SIAH2: variants seen among roughly 807,000 people sequenced by gnomAD.
SIAH2 encodes the protein E3 ubiquitin-protein ligase SIAH2.
A neutral mutation model predicts 20.4 loss-of-function variants in SIAH2; 4 were observed. That is an observed-to-expected ratio of 0.20 (90% CI 0.10 to 0.45). The LOEUF (loss-of-function observed/expected upper bound fraction) is 0.45, where lower values mean the gene tolerates loss of function less well. Ranked by LOEUF, SIAH2 falls within the 20% of genes least tolerant of loss-of-function variation. SIAH2 has a pLI of 0.99. For missense variants in SIAH2, 259 were observed against 440.3 expected (o/e 0.59, Z 3.69); for synonymous variants, 171 against 192.5 (o/e 0.89, Z 0.93).
Position 150,762,289 on chromosome 3 carries a change from G to C in SIAH2, c.417+144C>G. On this transcript the variant is annotated intron_variant, in intron 1 of 1. Coordinates refer to ENST00000312960, the MANE Select transcript of SIAH2 (RefSeq NM_005067.7). The surrounding 1 kb of genome is among the most constrained non-coding windows in gnomAD (Gnocchi z 6.6). ...ACCTACACCCAAAGTGGGCTTGAGG[G>C]AGGGTGGACGAAGTGTAAACATTTT... 1 of 1,444,090 alleles carries C rather than the reference G, an allele frequency of 6.9e-7. No homozygotes were observed. The highest frequency in any genetic ancestry group is 9.1e-7 in the Non-Finnish European group (1 of 1,101,908). The allele number at this position is 1,444,090 out of a possible 1,614,324, so 89.5% of individuals were successfully genotyped here.
chr3:150,762,283 T>C lies in SIAH2; in HGVS notation c.417+150A>G, dbSNP rs1252423422. The C allele has an allele frequency of 1.4e-6, 2 of 1,431,836 alleles. No homozygotes were observed. Among genetic ancestry groups the C allele is most frequent in the African/African-American group, 1.4e-5 (1 of 69,310 alleles). 88.7% of individuals were successfully genotyped at this position (1,431,836 alleles called of 1,614,324 possible). A position where few individuals can be genotyped will look rare whatever the true frequency, so the allele number is the denominator to read the frequency against. ...ACCCAGACCTACACCCAAAGTGGGCTTGAGGGAGGGTGGACGAAGTGTAAA... is the reference window on the plus strand; with the variant it reads ...ACCCAGACCTACACCCAAAGTGGGCCTGAGGGAGGGTGGACGAAGTGTAAA... On this transcript the variant is annotated intron_variant, in intron 1 of 1. Transcript: ENST00000312960. This position sits in a 1 kb window ranked among gnomAD's most constrained non-coding sequence, Gnocchi z 6.6.
chr3:150,758,874 CTGA>C (rs1714542846), intron 1 of SIAH2, among the ~76,000 whole-genome samples: 1 of 151,866 alleles, frequency 6.6e-6, no homozygotes, highest in African/African-American at 2.4e-5. Context: ...TCCTGAGTAG[CTGA>C]TATTACAGGC....
intron 1 of SIAH2, among the ~76,000 whole-genome samples, chr3:150,749,338 A>G (rs1714301072): frequency 1.3e-5 from 2 of 151,712 alleles, no homozygotes; most frequent in South Asian, 4.2e-4. Flanking sequence ...TGTCTCTATA[A>G]AAAGTTAAAA....
rs556606019 is a variant in SIAH2 at position 150,751,354 on chromosome 3, G to A, written c.418-8656C>T. ...CAGGAGAATTGCTTGAACCCGGGAG[G>A]TGGAGGTTACAGTGAGCCGAGATTA... On this transcript the variant is annotated intron_variant, in intron 1 of 1. Coordinates refer to ENST00000312960, the MANE Select transcript of SIAH2 (RefSeq NM_005067.7). 2.6e-5 allele frequency among the ~76,000 whole-genome samples: 4 copies of A among 152,184 alleles called. No homozygotes were observed. In the South Asian group the frequency reaches 6.2e-4, roughly 24 times the overall value.
At position 150,762,559 on chromosome 3, in the gene SIAH2, C is replaced by T. The variant is rs752625985; in HGVS notation, c.291G>A (p.Gly97=). 1 of 1,613,498 alleles carries T rather than the reference C, an allele frequency of 6.2e-7. No homozygotes were observed. Among genetic ancestry groups the T allele is most frequent in the Admixed American group, 1.7e-5 (1 of 60,016 alleles). ...GGCGGCATTGGTTACACACCAGGTG[C>T]CCGGCCTGGCACTGCAGAATAGGAG... The part of the protein sequence containing the change: ...VLPPILQCQA[G]HLVCNQCRQK... Residue 97 remains glycine (G), a synonymous_variant, in exon 1 of 2, where the codon GGG becomes GGA. Transcript: ENST00000312960. This position sits in a 1 kb window ranked among gnomAD's most constrained non-coding sequence, Gnocchi z 6.6.
In SIAH2 at chr3:150,742,301, C is replaced by T. The variant is rs543249698; in HGVS notation, c.815G>A (p.Arg272Gln). ...AYRLELNGNRRRLTWEATPRS... is the reference protein window; with the variant it reads ...AYRLELNGNRQRLTWEATPRS... ...GGGCGTGGCCTCCCAGGTCAATCTCCGCCGGTTCCCATTCAACTCCAGTCT... is the reference window on the plus strand; with the variant it reads ...GGGCGTGGCCTCCCAGGTCAATCTCTGCCGGTTCCCATTCAACTCCAGTCT... Residue 272 changes from arginine (R) to glutamine (Q), a missense_variant, in exon 2 of 2, where the codon CGG becomes CAG. Transcript: ENST00000312960. This position sits in a 1 kb window ranked among gnomAD's most constrained non-coding sequence, Gnocchi z 4.8. The T allele has an allele frequency of 1.1e-4, 170 of 1,614,050 alleles. No individual in the cohort carries two copies. The highest frequency in any genetic ancestry group is 1.4e-4 in the Non-Finnish European group (166 of 1,180,048).
chr3:150,754,889 G>GA lies in SIAH2; in HGVS notation c.417+7543dup, dbSNP rs560448098. On this transcript the variant is annotated intron_variant, in intron 1 of 1. Transcript: ENST00000312960. ...CAAGGGCCAACTTACACAGCTCTATGAAAATGCTATATGATTAAGAGTAGG... is the reference window on the plus strand; with the variant it reads ...CAAGGGCCAACTTACACAGCTCTATGAAAAATGCTATATGATTAAGAGTAGG... Among the ~76,000 whole-genome samples the GA allele has an allele frequency of 1.5e-3, 221 of 152,214 alleles. 3 individuals carry two copies. In the East Asian group the frequency reaches 0.02, roughly 14 times the overall value.
chr3:150,756,803 G>A (rs965284878), intron 1 of SIAH2, among the ~76,000 whole-genome samples: 4 of 152,272 alleles, frequency 2.6e-5, no homozygotes, highest in African/African-American at 4.8e-5. Flanking sequence ...CTTGAGCCCC[G>A]GAGTTAATGT....
intron 1 of SIAH2, among the ~76,000 whole-genome samples, chr3:150,743,683 C>A (rs1338915618): frequency 6.6e-6 from 1 of 152,140 alleles, no homozygotes; most frequent in African/African-American, 2.4e-5. Flanking sequence ...ATGGATAAAT[C>A]ATACCTGCCG....
chr3:150,743,853 T>G (rs1714154069), intron 1 of SIAH2, among the ~76,000 whole-genome samples: 1 of 152,010 alleles, frequency 6.6e-6, no homozygotes, highest in Non-Finnish European at 1.5e-5. Context: ...TGAATCACCT[T>G]TTCAGGTGAA....
rs1230904331 is a variant in SIAH2, at chr3:150,742,898, G to A, written c.418-200C>T. ...AATGCTGTCATGCATAAAATGAAGG[G>A]TATTTCCTGAACCAGAAATACGCTG... is the stretch of plus-strand genomic sequence containing the variant. On this transcript the variant is annotated intron_variant, in intron 1 of 1. Coordinates refer to ENST00000312960, the MANE Select transcript of SIAH2 (RefSeq NM_005067.7). This position sits in a 1 kb window ranked among gnomAD's most constrained non-coding sequence, Gnocchi z 4.8. Among the ~76,000 whole-genome samples the A allele has an allele frequency of 6.6e-6, 1 of 152,160 alleles. No individual in the cohort carries two copies. Among genetic ancestry groups the A allele is most frequent in the Non-Finnish European group, 1.5e-5 (1 of 68,032 alleles).
chr3:150,761,100 T>C (rs1466816208), intron 1 of SIAH2, among the ~76,000 whole-genome samples: 7 of 152,194 alleles, frequency 4.6e-5, no homozygotes, highest in Admixed American at 4.6e-4. Flanking sequence ...AAGCCTGAAT[T>C]CTCTGGTGGA....
At chr3:150,754,074 T>C (rs1714429645) in intron 1 of SIAH2, among the ~76,000 whole-genome samples, 1 of 152,208 alleles carries the variant, frequency 6.6e-6, no homozygotes, top group South Asian at 2.1e-4. Context: ...GCAGTCACGA[T>C]GTGTTAGATA....
At chr3:150,756,490 G>T (rs532695229) in intron 1 of SIAH2, among the ~76,000 whole-genome samples, 3 of 152,182 alleles carry the variant, frequency 2.0e-5, no homozygotes, top group African/African-American at 7.2e-5. Flanking sequence ...CTTTTTAATG[G>T]GGCTTCAAAA....
chr3:150,762,891 C>T lies in SIAH2; in HGVS notation c.-42G>A. Reference sequence around the variant, plus strand: ...CATGGAACTGCGGGCGCCTGCCTGCCGCGGGGCCGCCCGGGTCAAGGCGGT... The same window carrying T: ...CATGGAACTGCGGGCGCCTGCCTGCTGCGGGGCCGCCCGGGTCAAGGCGGT... On this transcript the variant is annotated 5_prime_UTR_variant, in exon 1 of 2. Transcript: ENST00000312960. The surrounding 1 kb of genome is among the most constrained non-coding windows in gnomAD (Gnocchi z 6.6). 1 of 1,156,920 alleles carries T rather than the reference C, an allele frequency of 8.6e-7. No homozygotes were observed. Among genetic ancestry groups the T allele is most frequent in the South Asian group, 3.9e-5 (1 of 25,388 alleles). The allele number at this position is 1,156,920 out of a possible 1,614,324, so 71.7% of individuals were successfully genotyped here.
chr3:150,762,293 G>T lies in SIAH2; in HGVS notation c.417+140C>A, dbSNP rs1714633693. On this transcript the variant is annotated intron_variant, in intron 1 of 1. Coordinates refer to ENST00000312960, the MANE Select transcript of SIAH2 (RefSeq NM_005067.7). This position sits in a 1 kb window ranked among gnomAD's most constrained non-coding sequence, Gnocchi z 6.6. ...ACACCCAAAGTGGGCTTGAGGGAGG[G>T]TGGACGAAGTGTAAACATTTTTTCT... The T allele has an allele frequency of 1.9e-5, 27 of 1,452,124 alleles. No individual in the cohort carries two copies. The highest frequency in any genetic ancestry group is 2.3e-5 in the Non-Finnish European group (26 of 1,107,956). The allele number at this position is 1,452,124 out of a possible 1,614,324, so 90.0% of individuals were successfully genotyped here.
Position 150,745,736 on chromosome 3 carries a change from C to G in SIAH2, c.418-3038G>C, listed in dbSNP as rs572888872. Among the ~76,000 whole-genome samples, 142 of 152,236 alleles carry G rather than the reference C, an allele frequency of 9.3e-4. 1 individual carries two copies. Among genetic ancestry groups the G allele is most frequent in the African/African-American group, 3.3e-3 (139 of 41,550 alleles). On this transcript the variant is annotated intron_variant, in intron 1 of 1. Coordinates refer to ENST00000312960, the MANE Select transcript of SIAH2 (RefSeq NM_005067.7). Reference sequence around the variant, plus strand: ...GGTCTCGATCTCCTGACCTCGTGATCCACCCGCCACGGCCTCCCAAAGTGC... The same window carrying G: ...GGTCTCGATCTCCTGACCTCGTGATGCACCCGCCACGGCCTCCCAAAGTGC...
At chr3:150,745,021 G>A (rs994907458) in intron 1 of SIAH2, among the ~76,000 whole-genome samples, 1 of 152,066 alleles carries the variant, frequency 6.6e-6, no homozygotes, top group African/African-American at 2.4e-5. Context: ...CTTTGCATTT[G>A]TGTGGACAAC....
chr3:150,752,429 C>T (rs563666192), intron 1 of SIAH2, among the ~76,000 whole-genome samples: 7 of 152,234 alleles, frequency 4.6e-5, no homozygotes, highest in Admixed American at 6.5e-5. Context: ...GCCAACATGG[C>T]GAAGTCATGT....
Sources: gnomAD v4.1 joint callset for allele counts (sites outside exome capture counted in the v4.1 genomes callset) on GRCh38, gnomAD v4.1.1 for gene constraint, Gnocchi (gnomAD v3.1) non-coding constraint, MANE v1.5 for transcripts, NCBI Gene and HGNC (gene_info 2026-07-23, HGNC 2026-07-21) for gene names.